The following DGKB variants were observed in gnomAD, a reference collection of about 807,000 sequenced individuals.
DGKB encodes the protein 90 kDa diacylglycerol kinase.
Under a neutral mutation model 114.3 loss-of-function variants are expected in DGKB, and 67 were observed. The ratio of observed to expected loss-of-function variants is 0.59; its 90% CI spans 0.48 to 0.72. The LOEUF (loss-of-function observed/expected upper bound fraction) is 0.72, where lower values mean the gene tolerates loss of function less well. Ranked by LOEUF, DGKB falls within the 30% of genes least tolerant of loss-of-function variation. The probability of loss-of-function intolerance (pLI) is 0.00; values close to 1 mark genes in which losing one functional copy is unlikely to be tolerated. For synonymous variants in DGKB, 398 were observed against 323.1 expected, an observed-to-expected ratio of 1.23 and a Z score of -2.49; for missense variants, 907 against 975.2, an observed-to-expected ratio of 0.93 and a Z score of 0.93.
intron 1 of DGKB, among the ~76,000 whole-genome samples, chr7:14,918,367 A>G (rs1784341838): frequency 6.6e-6 from 1 of 152,192 alleles, no homozygotes; most frequent in South Asian, 2.1e-4. Context: ...TGAAACAAAC[A>G]AAGGAAAAGC....
intron 7 of DGKB, among the ~76,000 whole-genome samples, chr7:14,700,583 T>C (rs751138989): frequency 6.6e-6 from 1 of 152,200 alleles, no homozygotes; most frequent in African/African-American, 2.4e-5. Flanking sequence ...TTCAGAGTGA[T>C]GGTCATTTCC....
chr7:14,877,834 A>G (rs1853545445), intron 1 of DGKB, among the ~76,000 whole-genome samples: 1 of 152,214 alleles, frequency 6.6e-6, no homozygotes, highest in Non-Finnish European at 1.5e-5. Flanking sequence ...TTTTGAAAAT[A>G]TACTGACTTG....
intron 25 of DGKB, among the ~76,000 whole-genome samples, chr7:14,175,788 G>T (rs1781634295): frequency 6.6e-6 from 1 of 151,640 alleles, no homozygotes; most frequent in Non-Finnish European, 1.5e-5. Flanking sequence ...AGAAGCTTTG[G>T]TCACACCACC....
intron 23 of DGKB, among the ~76,000 whole-genome samples, chr7:14,303,100 T>C (rs1180949228): frequency 1.3e-5 from 2 of 152,190 alleles, no homozygotes; most frequent in Non-Finnish European, 2.9e-5. Flanking sequence ...AATTTTCATA[T>C]GTGTCCAGTG....
At chr7:14,672,813 T>A (rs1195276245) in intron 13 of DGKB, 116 bp downstream of exon 13, 3 of 534,948 alleles carry the variant, frequency 5.6e-6, no homozygotes, top group South Asian at 7.5e-5. Context: ...GTATTTTAGA[T>A]CTATATACTT....
chr7:14,283,566 A>T (rs1800324825), intron 23 of DGKB, among the ~76,000 whole-genome samples: 1 of 148,266 alleles, frequency 6.7e-6, no homozygotes, highest in Non-Finnish European at 1.5e-5. Flanking sequence ...GTCAATCCTA[A>T]GCCAAAAGAA....
intron 1 of DGKB, among the ~76,000 whole-genome samples, chr7:14,950,234 C>A (rs1338406894): frequency 6.6e-6 from 1 of 151,612 alleles, no homozygotes; most frequent in Non-Finnish European, 1.5e-5. Context: ...TACAAGGAAA[C>A]CCCAATGAAA....
intron 21 of DGKB, among the ~76,000 whole-genome samples, chr7:14,426,213 G>A (rs538680048): frequency 6.6e-6 from 1 of 152,266 alleles, no homozygotes; most frequent in South Asian, 2.1e-4. Context: ...GAAGACAGTG[G>A]CTCTGTCTAC....
chr7:14,413,501 TAAAAG>T, intron 21 of DGKB, among the ~76,000 whole-genome samples: 1 of 152,112 alleles, frequency 6.6e-6, no homozygotes, highest in African/African-American at 2.4e-5. Context: ...GGGTTGTATA[TAAAAG>T]TTACGAGGTT....
intron 23 of DGKB, among the ~76,000 whole-genome samples, chr7:14,290,010 A>C (rs981562631): frequency 6.6e-6 from 1 of 152,162 alleles, no homozygotes; most frequent in African/African-American, 2.4e-5. Flanking sequence ...GCTATATTCC[A>C]ACCCAAAATA....
chr7:14,324,117 T>C (rs1206850184), intron 23 of DGKB, among the ~76,000 whole-genome samples: 1 of 152,156 alleles, frequency 6.6e-6, no homozygotes, highest in African/African-American at 2.4e-5. Flanking sequence ...TTACTGATCA[T>C]TTATGGGAAA....
At chr7:14,294,461 G>A (rs561927277) in intron 23 of DGKB, among the ~76,000 whole-genome samples, 128 of 152,230 alleles carry the variant, frequency 8.4e-4, no homozygotes, top group African/African-American at 2.9e-3. Context: ...CCCAGTGATA[G>A]CCACTATGAT....
At chr7:14,302,013 C>A (rs1022102562) in intron 23 of DGKB, among the ~76,000 whole-genome samples, 3 of 152,094 alleles carry the variant, frequency 2.0e-5, no homozygotes, top group Admixed American at 6.6e-5. Flanking sequence ...TGCTTTGATT[C>A]TCTCCATCTC....
chr7:14,841,850 A>G (rs1847977019), intron 1 of DGKB, among the ~76,000 whole-genome samples: 1 of 152,238 alleles, frequency 6.6e-6, no homozygotes, highest in Admixed American at 6.5e-5. Flanking sequence ...CAATCATATG[A>G]ATTAATTTTG....
At chr7:14,313,469 A>T (rs978746994) in intron 23 of DGKB, among the ~76,000 whole-genome samples, 1 of 152,118 alleles carries the variant, frequency 6.6e-6, no homozygotes, top group Admixed American at 6.5e-5. Context: ...GGGAAGCGCA[A>T]GGGGTCAGGG....
At chr7:14,971,200 G>A (rs766932157) in intron 1 of DGKB, among the ~76,000 whole-genome samples, 3 of 152,170 alleles carry the variant, frequency 2.0e-5, no homozygotes, top group African/African-American at 2.4e-5. Flanking sequence ...TCTGACAGAT[G>A]GTGATAGCAA....
chr7:14,634,481 T>TACAC (rs34758174), intron 13 of DGKB, among the ~76,000 whole-genome samples: 52,679 of 145,046 alleles, frequency 0.36, 10,076 homozygotes, highest in Non-Finnish European at 0.43. Context: ...TACAAAGTGA[T>TACAC]ACACACACAC....
chr7:14,878,256 C>T (rs1263801887), intron 1 of DGKB, among the ~76,000 whole-genome samples: 2 of 152,094 alleles, frequency 1.3e-5, no homozygotes, highest in East Asian at 1.9e-4. Context: ...TATCTGCATT[C>T]ACAAATGGAA....
At chr7:14,760,703 A>G (rs2128453360) in intron 2 of DGKB, among the ~76,000 whole-genome samples, 1 of 152,256 alleles carries the variant, frequency 6.6e-6, no homozygotes, top group Non-Finnish European at 1.5e-5. Context: ...ATAAAATGGA[A>G]GGCGGAGAAA....
Sources: gnomAD v4.1 joint callset for allele counts (sites outside exome capture counted in the v4.1 genomes callset) on GRCh38, gnomAD v4.1.1 for gene constraint, MANE v1.5 for transcripts, NCBI Gene and HGNC (gene_info 2026-07-23, HGNC 2026-07-21) for gene names.